The following ACTR3C variants were observed in gnomAD, a reference collection of about 807,000 sequenced individuals.
ACTR3C encodes the protein actin-related protein 3C.
In ACTR3C, 18 loss-of-function variants were observed where a neutral mutation model predicts 26.3. The ratio of observed to expected loss-of-function variants is 0.68; its 90% CI spans 0.47 to 1.01. ACTR3C has a LOEUF of 1.01. ACTR3C is among the 50% of genes least tolerant of loss of function. The pLI is 0.00. For missense variants in ACTR3C, 184 were observed against 250.7 expected, an observed-to-expected ratio of 0.73 and a Z score of 1.80; for synonymous variants, 55 against 94.5, an observed-to-expected ratio of 0.58 and a Z score of 2.42.
the ACTR3C span, among the ~76,000 whole-genome samples, chr7:149,892,974 T>A: frequency 6.6e-6 from 1 of 151,788 alleles, no homozygotes; most frequent in African/African-American, 2.4e-5. Context: ...ACATAAAAAT[T>A]CCAAATATTA....
At chr7:150,085,887 T>A in the ACTR3C span, among the ~76,000 whole-genome samples, 9 of 152,234 alleles carry the variant, frequency 5.9e-5, no homozygotes, top group East Asian at 1.7e-3. Context: ...GCTTTGTTTT[T>A]AGAACATGGA....
At chr7:149,921,927 T>C in the ACTR3C span, among the ~76,000 whole-genome samples, 1 of 152,006 alleles carries the variant, frequency 6.6e-6, no homozygotes, top group Non-Finnish European at 1.5e-5. Context: ...AAGTACTCTT[T>C]CCAAAGTATA....
chr7:150,042,114 T>G, the ACTR3C span, among the ~76,000 whole-genome samples: 15 of 27,976 alleles, frequency 5.4e-4, no homozygotes, highest in African/African-American at 2.2e-3. Flanking sequence ...GCCTCCCCCC[T>G]CTGCGATGGG....
the ACTR3C span, chr7:150,047,616 T>C: frequency 5.8e-6 from 6 of 1,031,534 alleles, no homozygotes; most frequent in South Asian, 2.2e-4. Flanking sequence ...TACGTCCTCC[T>C]TGTCACCATC....
At chr7:150,109,903 T>C in the ACTR3C span, among the ~76,000 whole-genome samples, 8 of 145,182 alleles carry the variant, frequency 5.5e-5, no homozygotes, top group Non-Finnish European at 1.0e-4. Context: ...TTTACAATTA[T>C]GTTAAATGTG....
At chr7:150,059,941 G>T in the ACTR3C span, among the ~76,000 whole-genome samples, 1 of 152,162 alleles carries the variant, frequency 6.6e-6, no homozygotes, top group Non-Finnish European at 1.5e-5. Context: ...AAATGTTCCA[G>T]CCCCTAAGAA....
At chr7:150,233,381 T>C in the ACTR3C span, among the ~76,000 whole-genome samples, 1 of 150,142 alleles carries the variant, frequency 6.7e-6, no homozygotes, top group Non-Finnish European at 1.5e-5. Context: ...AGTTTGTGTA[T>C]AATTGTTTTG....
the ACTR3C span, among the ~76,000 whole-genome samples, chr7:150,207,251 C>T: frequency 6.6e-6 from 1 of 152,176 alleles, no homozygotes; most frequent in Non-Finnish European, 1.5e-5. Context: ...CCACTCTTTC[C>T]CCTGACCAAC....
At chr7:150,248,090 C>T (rs1832570515) in intron 7 of ACTR3C, 1 of 152,328 alleles carries the variant, frequency 6.6e-6, no homozygotes, top group African/African-American at 2.4e-5. Flanking sequence ...GAACCTGCCC[C>T]TGCCAGGGTT....
At chr7:150,305,925 T>C (rs1300297040) in intron 1 of ACTR3C, among the ~76,000 whole-genome samples, 2 of 152,212 alleles carry the variant, frequency 1.3e-5, no homozygotes. Flanking sequence ...TTCACTTTGA[T>C]GGCTTGGTCT....
chr7:149,944,405 G>T, the ACTR3C span, among the ~76,000 whole-genome samples: 1 of 151,820 alleles, frequency 6.6e-6, no homozygotes, highest in Non-Finnish European at 1.5e-5. Flanking sequence ...CATACAAGAG[G>T]CATCTCAGTC....
chr7:150,189,005 A>G, the ACTR3C span, among the ~76,000 whole-genome samples: 1 of 150,906 alleles, frequency 6.6e-6, no homozygotes, highest in African/African-American at 2.5e-5. Flanking sequence ...TTTTTAAAAC[A>G]TGAGTTCACA....
the ACTR3C span, among the ~76,000 whole-genome samples, chr7:149,942,926 C>G: frequency 2.5e-4 from 38 of 151,884 alleles, no homozygotes; most frequent in Non-Finnish European, 5.9e-5. Flanking sequence ...CATGCTTGGG[C>G]TGATCGACGA....
chr7:150,214,843 A>G, the ACTR3C span, among the ~76,000 whole-genome samples: 1 of 152,052 alleles, frequency 6.6e-6, no homozygotes, highest in African/African-American at 2.4e-5. Context: ...AAATGACTTC[A>G]CTTCTCAGTA....
chr7:150,032,476 A>G, the ACTR3C span, among the ~76,000 whole-genome samples: 4 of 152,294 alleles, frequency 2.6e-5, no homozygotes, highest in Admixed American at 2.6e-4. Flanking sequence ...CCATGTGACC[A>G]GTGCTGGATC....
At chr7:150,128,054 A>C in the ACTR3C span, among the ~76,000 whole-genome samples, 3 of 56,540 alleles carry the variant, frequency 5.3e-5, no homozygotes, top group South Asian at 3.6e-4. Context: ...AATTCATTCC[A>C]AAAAAAAAAA....
the ACTR3C span, among the ~76,000 whole-genome samples, chr7:149,951,412 T>G: frequency 6.8e-6 from 1 of 147,668 alleles, no homozygotes; most frequent in African/African-American, 2.7e-5. Context: ...GACTCACAGC[T>G]CAGGGACCCA....
the ACTR3C span, among the ~76,000 whole-genome samples, chr7:150,041,933 C>T: frequency 9.8e-3 from 1,397 of 142,640 alleles, no homozygotes; most frequent in African/African-American, 0.02. Context: ...GGGTCTGGCT[C>T]TCAGTAATCC....
At chr7:150,078,935 C>T in the ACTR3C span, among the ~76,000 whole-genome samples, 1 of 152,168 alleles carries the variant, frequency 6.6e-6, no homozygotes, top group Non-Finnish European at 1.5e-5. Context: ...CTTGTCTCTA[C>T]TGAAGGATGA....
Sources: gnomAD v4.1 joint callset for allele counts (sites outside exome capture counted in the v4.1 genomes callset) on GRCh38, gnomAD v4.1.1 for gene constraint, MANE v1.5 for transcripts, NCBI Gene and HGNC (gene_info 2026-07-23, HGNC 2026-07-21) for gene names.